Variants in STK35 observed in about 807,000 individuals in gnomAD.
STK35 encodes the protein serine/threonine kinase 35.
In STK35, 17 loss-of-function variants were observed where a neutral mutation model predicts 37.3. The observed-to-expected ratio is 0.46, with a 90% CI of 0.31 to 0.68. The LOEUF is 0.68. Among genes scored for constraint, STK35 ranks in the 30% least tolerant of loss-of-function variants. The pLI is 0.05. For synonymous variants in STK35, 385 were observed against 319.1 expected (o/e 1.21, Z -2.20); for missense variants, 595 against 746.7 (o/e 0.80, Z 2.37).
intron 3 of STK35, among the ~76,000 whole-genome samples, chr20:2,134,806 G>T (rs536400271): frequency 3.1e-4 from 47 of 152,152 alleles, no homozygotes; most frequent in African/African-American, 9.6e-4. Flanking sequence ...CAGGAGAATC[G>T]CTTGAACCCG....
chr20:2,138,195 A>C (rs1986117189), intron 3 of STK35, among the ~76,000 whole-genome samples: 1 of 152,130 alleles, frequency 6.6e-6, no homozygotes, highest in African/African-American at 2.4e-5. Flanking sequence ...CCCCACTTTG[A>C]GTTTATACTG....
At chr20:2,102,698 A>G in intron 1 of STK35, 70 bp from the exon 2 acceptor site, 2 of 1,282,588 alleles carry the variant, frequency 1.6e-6, no homozygotes, top group Non-Finnish European at 2.0e-6. Flanking sequence ...AGGAGGTGGG[A>G]CGCCCCGCGG....
chr20:2,105,717 T>G (rs8114143), intron 2 of STK35, among the ~76,000 whole-genome samples: 2,156 of 151,092 alleles, frequency 0.014, 46 homozygotes, highest in African/African-American at 0.05. Context: ...TTATATAAGT[T>G]CACACCATGT....
chr20:2,116,866 A>T lies in STK35; in HGVS notation c.1093A>T (p.Asn365Tyr). The part of the protein sequence containing the change: ...HIVHRDLKPD[N>Y]ILITERSGTP... ...TGTGCACAGGGACCTGAAGCCAGAC[A>T]ACATCCTCATCACAGAGCGGTCTGG... The change falls in exon 3 of 4, where the codon AAC (asparagine) becomes TAC (tyrosine). Residue 365 changes from asparagine to tyrosine, a missense_variant. By Grantham distance (143) the Asn-to-Tyr change is moderately radical. Transcript: ENST00000381482. 2 of 1,614,186 alleles carry T rather than the reference A, an allele frequency of 1.2e-6. No individual in the cohort carries two copies. Among genetic ancestry groups the T allele is most frequent in the Non-Finnish European group, 1.7e-6 (2 of 1,180,036 alleles).
rs1183610310 is a variant in STK35, at chr20:2,133,308, C to T, written c.*38-10476C>T. On this transcript the variant is annotated intron_variant, in intron 3 of 3. Transcript: ENST00000381482. The stretch of plus-strand genomic sequence containing the variant: ...GGCAAGGGCCCCTGAGGACCTCAGC[C>T]TTTCCCTTGGGCTCTTTCTTTGCTA... Among the ~76,000 whole-genome samples the T allele has an allele frequency of 3.3e-5, 5 of 152,210 alleles. No individual in the cohort carries two copies. In the East Asian group the frequency reaches 9.6e-4, roughly 29 times the overall value.
At chr20:2,123,332 T>G (rs1053543652) in intron 3 of STK35, among the ~76,000 whole-genome samples, 9 of 152,204 alleles carry the variant, frequency 5.9e-5, no homozygotes, top group African/African-American at 2.2e-4. Flanking sequence ...TCTGTTGAAG[T>G]AATAGTTGAT....
At chr20:2,111,596 G>A (rs983843278) in intron 2 of STK35, among the ~76,000 whole-genome samples, 2 of 152,154 alleles carry the variant, frequency 1.3e-5, no homozygotes, top group South Asian at 2.1e-4. Context: ...TACTCTATTC[G>A]AGAGGCTGAG....
intron 2 of STK35, among the ~76,000 whole-genome samples, chr20:2,107,058 T>G (rs1046298108): frequency 6.6e-6 from 1 of 152,200 alleles, no homozygotes; most frequent in African/African-American, 2.4e-5. Context: ...ACTTCTCACA[T>G]AAAGGTTGGG....
chr20:2,102,133 A>G lies in STK35; in HGVS notation c.252A>G (p.Pro84=), dbSNP rs1246487196. 4.3e-6 allele frequency: 6 copies of G among 1,400,960 alleles called. No homozygotes were observed. The highest frequency in any genetic ancestry group is 5.9e-5 in the East Asian group (2 of 33,974). The allele number at this position is 1,400,960 out of a possible 1,614,324, so 86.8% of individuals were successfully genotyped here. A position where few individuals can be genotyped will look rare whatever the true frequency, so the allele number is the denominator to read the frequency against. Residue 84 remains proline, a synonymous_variant, in exon 1 of 4, where the codon CCA becomes CCG. Coordinates refer to ENST00000381482, the MANE Select transcript of STK35 (RefSeq NM_080836.4). ...PGADHPQAGA[P]GGKRAARKWR... ...CGGACCATCCCCAGGCAGGGGCTCCAGGGGGGAAACGGGCCGCCCGGAAGT... is the reference window on the plus strand; with the variant it reads ...CGGACCATCCCCAGGCAGGGGCTCCGGGGGGGAAACGGGCCGCCCGGAAGT...
At position 2,116,329 on chromosome 20, in the gene STK35, C is replaced by G. The variant is rs145894406; in HGVS notation, c.893-337C>G. Among the ~76,000 whole-genome samples the G allele has an allele frequency of 1.6e-3, 245 of 152,306 alleles. 1 individual carries two copies. The highest frequency in any genetic ancestry group is 5.6e-3 in the African/African-American group (234 of 41,562). On this transcript the variant is annotated intron_variant, in intron 2 of 3. Coordinates refer to ENST00000381482, the MANE Select transcript of STK35 (RefSeq NM_080836.4). The stretch of plus-strand genomic sequence containing the variant: ...AGACCCGTGACAGCCTTCTTGCATG[C>G]TTTCCCTTGTCCCATCTGCCCAGCA...
At chr20:2,143,624 G>C (rs1041411775) in intron 3 of STK35, among the ~76,000 whole-genome samples, 160 bp from the exon 4 acceptor site, 1 of 152,182 alleles carries the variant, frequency 6.6e-6, no homozygotes, top group Non-Finnish European at 1.5e-5. Context: ...AAGCATGTGT[G>C]AATAAGACCA....
intron 3 of STK35, among the ~76,000 whole-genome samples, chr20:2,133,952 A>T (rs933361740): frequency 2.4e-4 from 37 of 151,970 alleles, no homozygotes; most frequent in African/African-American, 8.9e-4. Flanking sequence ...AGTAAGTCAT[A>T]CCCTGCTGAC....
In STK35 at chr20:2,116,814, C is replaced by A. The variant is rs752818997; in HGVS notation, c.1041C>A (p.Ala347=). Residue 347 remains alanine (A), a synonymous_variant, in exon 3 of 4, where the codon GCC becomes GCA. Coordinates refer to ENST00000381482, the MANE Select transcript of STK35 (RefSeq NM_080836.4). ...GTTTCATGCTACAGCTGACGAGCGC[C>A]ATTGCCTTCCTGCACAAAAACCATA... ...NKSFMLQLTS[A]IAFLHKNHIV... 1.2e-6 allele frequency: 2 copies of A among 1,614,200 alleles called. No homozygotes were observed. Among genetic ancestry groups the A allele is most frequent in the South Asian group, 2.2e-5 (2 of 91,082 alleles).
At chr20:2,121,985 G>A (rs1013699356) in intron 3 of STK35, among the ~76,000 whole-genome samples, 1 of 152,088 alleles carries the variant, frequency 6.6e-6, no homozygotes, top group African/African-American at 2.4e-5. Flanking sequence ...TTGAATTTAC[G>A]GACTCCAAAG....
At chr20:2,138,842 A>G (rs1986128970) in intron 3 of STK35, among the ~76,000 whole-genome samples, 2 of 152,090 alleles carry the variant, frequency 1.3e-5, no homozygotes, top group African/African-American at 4.8e-5. Context: ...TGGGCCACAT[A>G]ATGAGACCCC....
Position 2,143,981 on chromosome 20 carries a change from T to C in STK35, c.*235T>C, listed in dbSNP as rs1200876623. The C allele has an allele frequency of 2.4e-6, 1 of 415,028 alleles. No individual in the cohort carries two copies. The highest frequency in any genetic ancestry group is 4.6e-6 in the Non-Finnish European group (1 of 215,194). The allele number at this position is 415,028 out of a possible 1,614,324, so 25.7% of individuals were successfully genotyped here. ...TTCTTTTTTTTTTTTCCTCTTTCCTTTTTTTAAATTTAAACCATTGAGACT... is the reference window on the plus strand; with the variant it reads ...TTCTTTTTTTTTTTTCCTCTTTCCTCTTTTTAAATTTAAACCATTGAGACT... On this transcript the variant is annotated 3_prime_UTR_variant, in exon 4 of 4. Coordinates refer to ENST00000381482, the MANE Select transcript of STK35 (RefSeq NM_080836.4).
chr20:2,116,928 C>T lies in STK35; in HGVS notation c.1155C>T (p.Ser385=). 6.2e-7 allele frequency: 1 copy of T among 1,614,172 alleles called. No homozygotes were observed. Among genetic ancestry groups the T allele is most frequent in the Middle Eastern group, 1.6e-4 (1 of 6,062 alleles). The change falls in exon 3 of 4, where the codon AGC becomes AGT. Residue 385 remains serine (S), a synonymous_variant. Coordinates refer to ENST00000381482, the MANE Select transcript of STK35 (RefSeq NM_080836.4). ...TCAAAGTGGCCGACTTTGGACTAAGCAAGGTCTGTGCTGGGCTGGCACCCC... is the reference window on the plus strand; with the variant it reads ...TCAAAGTGGCCGACTTTGGACTAAGTAAGGTCTGTGCTGGGCTGGCACCCC... ...PILKVADFGL[S]KVCAGLAPRG...
intron 1 of STK35, 130 bp downstream of exon 1, chr20:2,102,305 C>A (rs977572926): frequency 2.4e-6 from 3 of 1,234,570 alleles, no homozygotes; most frequent in African/African-American, 1.6e-5. Context: ...TCAGCCAATC[C>A]CTTCTACCCG....
chr20:2,133,860 C>G (rs1430181579), intron 3 of STK35, among the ~76,000 whole-genome samples: 1 of 152,210 alleles, frequency 6.6e-6, no homozygotes, highest in Non-Finnish European at 1.5e-5. Flanking sequence ...CCCTGACTTT[C>G]TGGCACACTT....
Sources: allele counts gnomAD v4.1 joint callset (sites outside exome capture counted in the v4.1 genomes callset), GRCh38; gene constraint gnomAD v4.1.1; transcripts MANE v1.5; gene names NCBI Gene and HGNC (gene_info 2026-07-23, HGNC 2026-07-21).